DPP6: variants seen among roughly 807,000 people sequenced by gnomAD.
DPP6 encodes dipeptidyl peptidase like 6, also known as A-type potassium channel modulatory protein DPP6.
In DPP6, 69 loss-of-function variants were observed where a neutral mutation model predicts 122.6. The observed-to-expected ratio is 0.56, with a 90% CI of 0.46 to 0.69. The LOEUF (loss-of-function observed/expected upper bound fraction) is 0.69. Ranked by LOEUF, DPP6 falls within the 30% of genes least tolerant of loss-of-function variation. DPP6 has a pLI of 0.00. For missense variants in DPP6, 928 were observed against 1,116.9 expected, an observed-to-expected ratio of 0.83 and a Z score of 2.41; for synonymous variants, 418 against 433.1, an observed-to-expected ratio of 0.97 and a Z score of 0.43.
At chr7:153,759,774 G>C in the DPP6 span, among the ~76,000 whole-genome samples, 2 of 152,146 alleles carry the variant, frequency 1.3e-5, no homozygotes, top group African/African-American at 4.8e-5. Context: ...AAAAATTCTA[G>C]AAGAAAACAT....
intron 5 of DPP6, among the ~76,000 whole-genome samples, chr7:154,616,981 G>A (rs1229437372): frequency 6.6e-6 from 1 of 152,194 alleles, no homozygotes; most frequent in Non-Finnish European, 1.5e-5. Flanking sequence ...TCCACGTGTA[G>A]CTGATGTCAG....
chr7:154,737,118 T>A (rs1394026404), intron 8 of DPP6, among the ~76,000 whole-genome samples: 1 of 152,232 alleles, frequency 6.6e-6, no homozygotes, highest in Admixed American at 6.5e-5. Context: ...TAAGTCATAG[T>A]TCACATACTG....
At chr7:154,364,067 G>T (rs1341159881) in intron 1 of DPP6, among the ~76,000 whole-genome samples, 1 of 151,986 alleles carries the variant, frequency 6.6e-6, no homozygotes, top group Admixed American at 6.6e-5. Context: ...CCGTGCCCTG[G>T]TCTTACCTCA....
chr7:153,766,000 G>A, the DPP6 span, among the ~76,000 whole-genome samples: 11 of 152,346 alleles, frequency 7.2e-5, no homozygotes, highest in South Asian at 2.3e-3. Context: ...TTCTTACAAA[G>A]CTCCCAAATG....
rs185744820 is a variant in DPP6, at chr7:154,839,584, G to A, written c.1667-14196G>A. ...ACACTGTGGACATGATCAGCGGGGC[G>A]GGATTGTTAACCGTTGTTGTTGCCA... On this transcript the variant is annotated intron_variant, in intron 16 of 25. Transcript: ENST00000377770. Among the ~76,000 whole-genome samples the A allele has an allele frequency of 5.9e-5, 9 of 152,328 alleles. No homozygotes were observed. In the South Asian group the frequency reaches 6.2e-4, roughly 11 times the overall value.
chr7:154,738,455 T>G (rs1429989058), intron 8 of DPP6, among the ~76,000 whole-genome samples: 1 of 152,204 alleles, frequency 6.6e-6, no homozygotes, highest in African/African-American at 2.4e-5. Context: ...ACCCTGGGAG[T>G]TCTCCAGCCA....
At chr7:153,976,390 C>T (rs1040627790) in intron 1 of DPP6, among the ~76,000 whole-genome samples, 1 of 152,204 alleles carries the variant, frequency 6.6e-6, no homozygotes, top group Non-Finnish European at 1.5e-5. Context: ...GAAGAACCAA[C>T]TGCATACCAC....
intron 1 of DPP6, among the ~76,000 whole-genome samples, chr7:153,899,890 A>G (rs1377221212): frequency 1.3e-5 from 2 of 152,244 alleles, no homozygotes; most frequent in Admixed American, 1.3e-4. Flanking sequence ...TTATCTAATC[A>G]TGAAAATAAA....
At chr7:153,839,021 T>C in the DPP6 span, among the ~76,000 whole-genome samples, 1 of 152,172 alleles carries the variant, frequency 6.6e-6, no homozygotes, top group Non-Finnish European at 1.5e-5. Context: ...AAGTTCCTGA[T>C]TCAGTAGATC....
At chr7:154,177,163 A>C (rs1446202827) in intron 1 of DPP6, among the ~76,000 whole-genome samples, 1 of 152,140 alleles carries the variant, frequency 6.6e-6, no homozygotes, top group Non-Finnish European at 1.5e-5. Context: ...TGGGGAGTAA[A>C]GTTGTCTTTG....
chr7:154,205,609 G>A (rs761444289), intron 1 of DPP6, among the ~76,000 whole-genome samples: 4 of 152,060 alleles, frequency 2.6e-5, no homozygotes, highest in Non-Finnish European at 4.4e-5. Context: ...GGACCTGAAG[G>A]CTGAGAGACC....
the DPP6 span, among the ~76,000 whole-genome samples, chr7:153,836,986 A>G: frequency 6.6e-6 from 1 of 152,212 alleles, no homozygotes; most frequent in Non-Finnish European, 1.5e-5. Flanking sequence ...TTGGTCAGTC[A>G]GGGCCATCGG....
At chr7:154,889,672 G>A in intron 25 of DPP6, 142 bp downstream of exon 25, 1 of 1,371,744 alleles carries the variant, frequency 7.3e-7, no homozygotes, top group South Asian at 1.5e-5. Context: ...GTCCCAGCAG[G>A]TTGGAAAATC....
chr7:154,042,614 G>A (rs1049861472), intron 1 of DPP6, among the ~76,000 whole-genome samples: 20 of 152,324 alleles, frequency 1.3e-4, no homozygotes, highest in Non-Finnish European at 2.9e-4. Flanking sequence ...ACGATGAAGG[G>A]AAATGATAAG....
intron 1 of DPP6, among the ~76,000 whole-genome samples, chr7:154,363,954 A>G (rs934893962): frequency 6.6e-6 from 1 of 152,176 alleles, no homozygotes; most frequent in Admixed American, 6.5e-5. Context: ...CAAAAACAAA[A>G]CAGCAATCCT....
intron 5 of DPP6, among the ~76,000 whole-genome samples, chr7:154,574,290 T>C (rs1283237885): frequency 1.5e-5 from 2 of 131,034 alleles, no homozygotes; most frequent in Non-Finnish European, 3.2e-5. Flanking sequence ...GTGTGTGGCG[T>C]ATGTGTGTGT....
chr7:154,878,316 T>C (rs1805060236), intron 20 of DPP6, among the ~76,000 whole-genome samples: 1 of 152,152 alleles, frequency 6.6e-6, no homozygotes, highest in South Asian at 2.1e-4. Flanking sequence ...GGCCCAACCA[T>C]CTGTTCCAAA....
At chr7:154,538,317 T>C (rs1355524730) in intron 3 of DPP6, among the ~76,000 whole-genome samples, 1 of 152,038 alleles carries the variant, frequency 6.6e-6, no homozygotes, top group Non-Finnish European at 1.5e-5. Flanking sequence ...ACCATGGTGG[T>C]TTGCTGCACC....
intron 1 of DPP6, among the ~76,000 whole-genome samples, chr7:154,163,544 T>G (rs1213457968): frequency 6.6e-6 from 1 of 152,236 alleles, no homozygotes; most frequent in African/African-American, 2.4e-5. Flanking sequence ...TTTTCAAAAC[T>G]AATTTGCAAG....
Sources: gnomAD v4.1 joint callset for allele counts (sites outside exome capture counted in the v4.1 genomes callset) on GRCh38, gnomAD v4.1.1 for gene constraint, MANE v1.5 for transcripts, NCBI Gene and HGNC (gene_info 2026-07-23, HGNC 2026-07-21) for gene names.